CADM1: variants seen among roughly 807,000 people sequenced by gnomAD.
CADM1 encodes the protein TSLC-1.
Under a neutral mutation model 53.1 loss-of-function variants are expected in CADM1, and 15 were observed. The ratio of observed to expected loss-of-function variants is 0.28; its 90% CI spans 0.19 to 0.44. The LOEUF (loss-of-function observed/expected upper bound fraction) is 0.44. CADM1 is among the 20% of genes least tolerant of loss of function. CADM1 has a pLI of 1.00. For missense variants in CADM1, 434 were observed against 611.3 expected, an observed-to-expected ratio of 0.71 and a Z score of 3.06; for synonymous variants, 281 against 243.0, an observed-to-expected ratio of 1.16 and a Z score of -1.45.
At chr11:115,486,834 G>A (rs907692947) in intron 1 of CADM1, among the ~76,000 whole-genome samples, 2 of 151,560 alleles carry the variant, frequency 1.3e-5, no homozygotes, top group African/African-American at 2.4e-5. Flanking sequence ...CCATATTTTC[G>A]AGACTTTGTT....
At chr11:115,250,804 A>G (rs1471672512) in intron 1 of CADM1, among the ~76,000 whole-genome samples, 3 of 152,186 alleles carry the variant, frequency 2.0e-5, no homozygotes, top group African/African-American at 7.2e-5. Flanking sequence ...CATTACACAG[A>G]CAAGGAAGCT....
chr11:115,259,555 C>G (rs1047233950), intron 1 of CADM1, among the ~76,000 whole-genome samples: 6 of 152,076 alleles, frequency 3.9e-5, no homozygotes, highest in Admixed American at 1.3e-4. Flanking sequence ...ATCCACCCGC[C>G]TCGGCCTCCT....
intron 1 of CADM1, among the ~76,000 whole-genome samples, chr11:115,290,420 C>T (rs1312347329): frequency 6.6e-6 from 1 of 152,190 alleles, no homozygotes; most frequent in Non-Finnish European, 1.5e-5. Flanking sequence ...TTTCCCTAAA[C>T]ATTTAAAAAG....
intron 9 of CADM1, 114 bp from the exon 10 acceptor site, chr11:115,191,055 A>G: frequency 1.2e-6 from 1 of 813,484 alleles, no homozygotes; most frequent in Non-Finnish European, 2.0e-6. Flanking sequence ...CTTGCTATCT[A>G]TGTTTTTGAT....
At chr11:115,215,775 T>C (rs980300784) in intron 6 of CADM1, among the ~76,000 whole-genome samples, 1 of 152,224 alleles carries the variant, frequency 6.6e-6, no homozygotes, top group Non-Finnish European at 1.5e-5. Context: ...GAATTGTGCC[T>C]GAAAACTTTC....
intron 7 of CADM1, among the ~76,000 whole-genome samples, chr11:115,213,079 T>C (rs990992916): frequency 3.3e-5 from 5 of 152,220 alleles, no homozygotes; most frequent in Non-Finnish European, 7.3e-5. Flanking sequence ...TAATGGAAAT[T>C]TGTCACTGCT....
chr11:115,284,687 T>A (rs899242822), intron 1 of CADM1, among the ~76,000 whole-genome samples: 23 of 152,182 alleles, frequency 1.5e-4, no homozygotes, highest in Non-Finnish European at 8.8e-5. Flanking sequence ...TAATTTTTTT[T>A]AAAAAAGAAA....
chr11:115,472,013 A>C (rs2135392843), intron 1 of CADM1, among the ~76,000 whole-genome samples: 1 of 152,286 alleles, frequency 6.6e-6, no homozygotes, highest in South Asian at 2.1e-4. Context: ...CTAGGTCCAA[A>C]CCAACCAGGC....
At chr11:115,364,061 AT>A (rs1946095985) in intron 1 of CADM1, among the ~76,000 whole-genome samples, 2 of 152,108 alleles carry the variant, frequency 1.3e-5, no homozygotes, top group South Asian at 4.1e-4. Context: ...AAAAAAAAAA[AT>A]CTACATTTTT....
At chr11:115,476,375 G>A (rs1949131327) in intron 1 of CADM1, among the ~76,000 whole-genome samples, 1 of 152,136 alleles carries the variant, frequency 6.6e-6, no homozygotes, top group Non-Finnish European at 1.5e-5. Flanking sequence ...TTTCCATGTG[G>A]TTTGTAACTA....
At chr11:115,201,141 C>T (rs991593141) in intron 8 of CADM1, among the ~76,000 whole-genome samples, 1 of 152,154 alleles carries the variant, frequency 6.6e-6, no homozygotes, top group East Asian at 1.9e-4. Context: ...ACAGCAAACA[C>T]ATGTTCAAGT....
intron 1 of CADM1, among the ~76,000 whole-genome samples, chr11:115,423,084 C>T (rs907937829): frequency 4.0e-5 from 6 of 151,712 alleles, no homozygotes; most frequent in Non-Finnish European, 7.4e-5. Flanking sequence ...AAAGTCGAGG[C>T]CTTAGTGCCA....
chr11:115,499,204 C>T (rs1949682848), intron 1 of CADM1, among the ~76,000 whole-genome samples: 1 of 152,106 alleles, frequency 6.6e-6, no homozygotes, highest in Admixed American at 6.6e-5. Flanking sequence ...AAGAACATTT[C>T]CTTTTTTCCT....
intron 9 of CADM1, among the ~76,000 whole-genome samples, chr11:115,191,747 CTTTAATGA>C (rs1939880369): frequency 6.6e-6 from 1 of 152,146 alleles, no homozygotes; most frequent in Non-Finnish European, 1.5e-5. Flanking sequence ...TGAGCTGATC[CTTTAATGA>C]AGTTTATTTA....
At chr11:115,447,093 C>T (rs926171417) in intron 1 of CADM1, among the ~76,000 whole-genome samples, 4 of 152,108 alleles carry the variant, frequency 2.6e-5, no homozygotes, top group African/African-American at 9.7e-5. Context: ...TGCATAACTC[C>T]CCTCATCTGT....
chr11:115,376,604 A>T (rs1946444024), intron 1 of CADM1, among the ~76,000 whole-genome samples: 1 of 152,242 alleles, frequency 6.6e-6, no homozygotes, highest in Non-Finnish European at 1.5e-5. Flanking sequence ...GCTTCTAAAG[A>T]CTTGAAAGTT....
chr11:115,291,888 G>A (rs1050419284), intron 1 of CADM1, among the ~76,000 whole-genome samples: 2 of 152,156 alleles, frequency 1.3e-5, no homozygotes, highest in African/African-American at 4.8e-5. Context: ...TTTAAATTTG[G>A]ACTGACAAAT....
chr11:115,366,130 A>G (rs1288357842), intron 1 of CADM1, among the ~76,000 whole-genome samples: 1 of 152,232 alleles, frequency 6.6e-6, no homozygotes, highest in Non-Finnish European at 1.5e-5. Context: ...AGCCTTGCAC[A>G]GATAGCACTG....
intron 5 of CADM1, among the ~76,000 whole-genome samples, chr11:115,222,714 T>C (rs941175166): frequency 5.3e-5 from 8 of 152,152 alleles, no homozygotes; most frequent in African/African-American, 1.4e-4. Flanking sequence ...AGTCTTCTCT[T>C]GCTGCAACTT....
Sources: gnomAD v4.1 joint callset for allele counts (sites outside exome capture counted in the v4.1 genomes callset) on GRCh38, gnomAD v4.1.1 for gene constraint, MANE v1.5 for transcripts, NCBI Gene and HGNC (gene_info 2026-07-23, HGNC 2026-07-21) for gene names.